RORA: variants seen among roughly 807,000 people sequenced by gnomAD.
RORA encodes the protein RAR related orphan receptor A.
RORA carries 7 observed loss-of-function variants against 69.5 expected under a neutral mutation model. That is an observed-to-expected ratio of 0.10 (90% CI 0.06 to 0.19). The LOEUF is 0.19. Among genes scored for constraint, RORA ranks in the 10% least tolerant of loss-of-function variants. The pLI is 1.00. For missense variants in RORA, 457 were observed against 663.0 expected, an observed-to-expected ratio of 0.69 and a Z score of 3.41; for synonymous variants, 261 against 240.8, an observed-to-expected ratio of 1.08 and a Z score of -0.78.
At chr15:60,573,300 A>G (rs1349797420) in intron 2 of RORA, among the ~76,000 whole-genome samples, 1 of 152,230 alleles carries the variant, frequency 6.6e-6, no homozygotes, top group Non-Finnish European at 1.5e-5. Context: ...TATATCAAGC[A>G]AAGTGCAGAA....
intron 1 of RORA, among the ~76,000 whole-genome samples, chr15:61,134,391 A>C (rs1404862546): frequency 6.6e-6 from 1 of 152,182 alleles, no homozygotes; most frequent in Non-Finnish European, 1.5e-5. Flanking sequence ...CCAGCTCCCT[A>C]TGTAAGGTTC....
At chr15:60,883,360 T>C (rs2073713816) in intron 1 of RORA, among the ~76,000 whole-genome samples, 1 of 152,138 alleles carries the variant, frequency 6.6e-6, no homozygotes, top group Non-Finnish European at 1.5e-5. Context: ...ATCTAAAATA[T>C]GGCTTAATAA....
chr15:60,610,227 A>G (rs1407704870), intron 2 of RORA, among the ~76,000 whole-genome samples: 1 of 139,530 alleles, frequency 7.2e-6, no homozygotes, highest in Non-Finnish European at 1.6e-5. Flanking sequence ...CACACACTAC[A>G]CACACACAGT....
At position 61,165,276 on chromosome 15, in the gene RORA, C is replaced by A. The variant is rs113818254; in HGVS notation, c.166+63777G>T. ...CTAGAAATATTTATTGTGGCTGCAA[C>A]TCCAACTGTCATCCATTCGGATTAC... On this transcript the variant is annotated intron_variant, in intron 1 of 10. Transcript: ENST00000335670. Among the ~76,000 whole-genome samples, 215 of 152,320 alleles carry A rather than the reference C, an allele frequency of 1.4e-3. 1 individual carries two copies. Among genetic ancestry groups the A allele is most frequent in the African/African-American group, 5.1e-3 (213 of 41,572 alleles).
intron 1 of RORA, among the ~76,000 whole-genome samples, chr15:60,955,597 C>T (rs556261500): frequency 3.0e-4 from 45 of 152,308 alleles, no homozygotes; most frequent in Admixed American, 1.1e-3. Flanking sequence ...GGGAATTCAA[C>T]ACAATAAGAA....
chr15:60,988,490 T>C (rs1352225576), intron 1 of RORA, among the ~76,000 whole-genome samples: 2 of 152,240 alleles, frequency 1.3e-5, no homozygotes, highest in Non-Finnish European at 2.9e-5. Flanking sequence ...GCTCATCTGT[T>C]GTTCCGCCTC....
At chr15:60,848,154 G>C (rs917537767) in intron 1 of RORA, 1 of 152,240 alleles carries the variant, frequency 6.6e-6, no homozygotes, top group Non-Finnish European at 1.5e-5. Flanking sequence ...TGTTTTTGTC[G>C]TGTGGGTCTC....
chr15:60,799,808 G>A (rs2072553987), intron 1 of RORA, among the ~76,000 whole-genome samples: 1 of 152,326 alleles, frequency 6.6e-6, no homozygotes, highest in East Asian at 1.9e-4. Context: ...AGGGGCACAG[G>A]AAGAGACAAA....
At chr15:60,802,635 T>G (rs888695312) in intron 1 of RORA, among the ~76,000 whole-genome samples, 1 of 152,196 alleles carries the variant, frequency 6.6e-6, no homozygotes. Flanking sequence ...GGTGTATGTG[T>G]GTATGTGCAT....
chr15:60,711,057 A>T (rs1374361860), intron 1 of RORA, among the ~76,000 whole-genome samples: 1 of 152,176 alleles, frequency 6.6e-6, no homozygotes, highest in Non-Finnish European at 1.5e-5. Context: ...ACTCCACATC[A>T]TCAGAGCTTC....
chr15:60,951,605 G>A (rs1893098300), intron 1 of RORA, among the ~76,000 whole-genome samples: 1 of 148,766 alleles, frequency 6.7e-6, no homozygotes, highest in African/African-American at 2.5e-5. Flanking sequence ...TGATAAAGGG[G>A]ATATCACCAC....
At chr15:60,817,095 C>A (rs1315000488) in intron 1 of RORA, among the ~76,000 whole-genome samples, 2 of 152,142 alleles carry the variant, frequency 1.3e-5, no homozygotes, top group African/African-American at 4.8e-5. Flanking sequence ...ATGAACATAT[C>A]ATCACCTCAC....
At chr15:61,076,108 G>T (rs1166213201) in intron 1 of RORA, among the ~76,000 whole-genome samples, 1 of 152,160 alleles carries the variant, frequency 6.6e-6, no homozygotes, top group Non-Finnish European at 1.5e-5. Context: ...GGGGTTCAAG[G>T]ACCTGCAGGG....
chr15:60,846,853 T>C (rs2073271848), intron 1 of RORA, among the ~76,000 whole-genome samples: 1 of 152,250 alleles, frequency 6.6e-6, no homozygotes, highest in South Asian at 2.1e-4. Flanking sequence ...GCTTCTCACA[T>C]ACTAGACTTT....
chr15:60,926,222 A>G (rs1186038081), intron 1 of RORA, among the ~76,000 whole-genome samples: 1 of 152,232 alleles, frequency 6.6e-6, no homozygotes, highest in Non-Finnish European at 1.5e-5. Flanking sequence ...TCGAAAGCCA[A>G]AAGTCCCTCA....
chr15:60,770,289 A>T (rs1490307524), intron 1 of RORA, among the ~76,000 whole-genome samples: 1 of 152,106 alleles, frequency 6.6e-6, no homozygotes, highest in Non-Finnish European at 1.5e-5. Flanking sequence ...TTATGTTTTT[A>T]ATGTTGTGCC....
At chr15:60,535,860 G>A (rs1207975445) in intron 2 of RORA, among the ~76,000 whole-genome samples, 1 of 152,066 alleles carries the variant, frequency 6.6e-6, no homozygotes, top group Non-Finnish European at 1.5e-5. Context: ...CTATGCGGTA[G>A]GCATCACTTA....
At chr15:60,650,216 A>G (rs2070120788) in intron 2 of RORA, among the ~76,000 whole-genome samples, 1 of 152,206 alleles carries the variant, frequency 6.6e-6, no homozygotes, top group African/African-American at 2.4e-5. Context: ...GAGGAAAAAA[A>G]AAAAAGTGGA....
At chr15:61,135,686 C>G (rs931455867) in intron 1 of RORA, among the ~76,000 whole-genome samples, 2 of 151,794 alleles carry the variant, frequency 1.3e-5, no homozygotes, top group Non-Finnish European at 1.5e-5. Flanking sequence ...TGCCGGGTAC[C>G]AGGGAAGCAG....
Sources: allele counts gnomAD v4.1 joint callset (sites outside exome capture counted in the v4.1 genomes callset), GRCh38; gene constraint gnomAD v4.1.1; transcripts MANE v1.5; gene names NCBI Gene and HGNC (gene_info 2026-07-23, HGNC 2026-07-21).